Variants in MCTP2 observed in about 807,000 individuals in gnomAD.
The protein encoded by MCTP2 is multiple C2 and transmembrane domain-containing protein 2.
A neutral mutation model predicts 111.6 loss-of-function variants in MCTP2; 132 were observed. That is an observed-to-expected ratio of 1.18 (90% CI 1.03 to 1.37). The LOEUF is 1.37. Ranked by LOEUF, MCTP2 falls within the 40% of genes most tolerant of loss-of-function variation. The pLI is 0.00. For missense variants in MCTP2, 1,183 were observed against 1,067.9 expected, an observed-to-expected ratio of 1.11 and a Z score of -1.50; for synonymous variants, 395 against 387.7, an observed-to-expected ratio of 1.02 and a Z score of -0.22.
intron 1 of MCTP2, among the ~76,000 whole-genome samples, chr15:94,251,936 G>A (rs772136123): frequency 5.3e-5 from 8 of 152,108 alleles, no homozygotes; most frequent in Non-Finnish European, 8.8e-5. Context: ...TGTCCTCAAG[G>A]TTCATCCACG....
chr15:94,354,528 C>G (rs921323674), intron 8 of MCTP2, among the ~76,000 whole-genome samples: 11 of 152,166 alleles, frequency 7.2e-5, no homozygotes, highest in Non-Finnish European at 1.6e-4. Flanking sequence ...CTTGCTTCCC[C>G]TTCACCTTCC....
At chr15:94,275,901 G>GT (rs999893759) in intron 1 of MCTP2, among the ~76,000 whole-genome samples, 22 of 146,496 alleles carry the variant, frequency 1.5e-4, no homozygotes, top group Non-Finnish European at 2.4e-4. Flanking sequence ...AGGCTGGAGT[G>GT]TAGTGGCGCG....
intron 20 of MCTP2, among the ~76,000 whole-genome samples, chr15:94,464,305 ATC>A (rs941543016): frequency 2.8e-4 from 24 of 84,722 alleles, no homozygotes; most frequent in African/African-American, 4.2e-4. Flanking sequence ...ATTATTTCTC[ATC>A]TCTGTTTCTG....
chr15:94,417,679 T>C (rs953542259), intron 17 of MCTP2, among the ~76,000 whole-genome samples: 2 of 152,156 alleles, frequency 1.3e-5, no homozygotes, highest in African/African-American at 4.8e-5. Context: ...GGCATCGTTC[T>C]TGTTTTTAGT....
chr15:94,311,059 C>G (rs1223139350), intron 2 of MCTP2, among the ~76,000 whole-genome samples: 2 of 141,742 alleles, frequency 1.4e-5, no homozygotes, highest in Non-Finnish European at 3.0e-5. Context: ...GAGTCTCACT[C>G]TGTTGCCCAG....
chr15:94,454,260 G>A (rs2084656411), intron 19 of MCTP2, among the ~76,000 whole-genome samples: 1 of 152,116 alleles, frequency 6.6e-6, no homozygotes, highest in Non-Finnish European at 1.5e-5. Context: ...TTTTGATGGA[G>A]CAAATATTAC....
At chr15:94,234,569 C>T (rs1018427924) in intron 1 of MCTP2, among the ~76,000 whole-genome samples, 1 of 152,060 alleles carries the variant, frequency 6.6e-6, no homozygotes, top group African/African-American at 2.4e-5. Flanking sequence ...GCAAAGGACT[C>T]ATGCTCCACT....
chr15:94,472,207 G>A (rs1006615416), intron 21 of MCTP2, among the ~76,000 whole-genome samples: 1 of 152,146 alleles, frequency 6.6e-6, no homozygotes, highest in Non-Finnish European at 1.5e-5. Flanking sequence ...GTGAAACCCT[G>A]TTTCTACCAA....
At chr15:94,432,657 C>T (rs2083259355) in intron 17 of MCTP2, among the ~76,000 whole-genome samples, 4 of 152,148 alleles carry the variant, frequency 2.6e-5, no homozygotes, top group Admixed American at 2.6e-4. Context: ...CTTTCATGGA[C>T]AGTGTGTAAG....
chr15:94,356,403 G>A (rs1596460869), intron 9 of MCTP2, 102 bp downstream of exon 9: 3 of 1,095,672 alleles, frequency 2.7e-6, no homozygotes, highest in Non-Finnish European at 3.7e-6. Context: ...AGTAATTTAT[G>A]TTCAGCCCGC....
At chr15:94,349,693 G>A (rs1428873607) in intron 8 of MCTP2, among the ~76,000 whole-genome samples, 7 of 151,902 alleles carry the variant, frequency 4.6e-5, no homozygotes, top group South Asian at 4.2e-4. Flanking sequence ...GGTGGCATGC[G>A]CCTGTAGTCC....
intron 1 of MCTP2, among the ~76,000 whole-genome samples, chr15:94,257,286 G>A (rs1426085127): frequency 1.3e-5 from 2 of 152,068 alleles, no homozygotes; most frequent in Non-Finnish European, 2.9e-5. Flanking sequence ...GGGAACACTA[G>A]CTTCCCAAAG....
chr15:94,369,083 G>A (rs1319106260), intron 11 of MCTP2, among the ~76,000 whole-genome samples: 1 of 152,126 alleles, frequency 6.6e-6, no homozygotes, highest in Non-Finnish European at 1.5e-5. Context: ...AATTGTAAAA[G>A]CATTTCATTT....
intron 17 of MCTP2, among the ~76,000 whole-genome samples, chr15:94,412,958 AT>A (rs1174594033): frequency 6.6e-6 from 1 of 152,204 alleles, no homozygotes; most frequent in Non-Finnish European, 1.5e-5. Flanking sequence ...CTTTCGGCAA[AT>A]TTGATTTTGC....
chr15:94,358,539 T>C lies in MCTP2; in HGVS notation c.1228T>C (p.Ser410Pro). Residue 410 changes from serine (S) to proline (P), a missense_variant, in exon 10 of 23, where the codon TCT (serine) becomes CCT (proline). Physicochemically the swap from Ser to Pro is moderately conservative, Grantham distance 74 (BLOSUM62 -1). Transcript: ENST00000357742. ...GGAACAGTTTGACTTTCACTACTTC[T>C]CTGACAGGATGGGCATTTTGGACAT... ...WQEQFDFHYFSDRMGILDIEV... is the reference protein window; with the variant it reads ...WQEQFDFHYFPDRMGILDIEV... 3.1e-6 allele frequency: 5 copies of C among 1,613,876 alleles called. No homozygotes were observed. Among genetic ancestry groups the C allele is most frequent in the Non-Finnish European group, 3.4e-6 (4 of 1,179,812 alleles).
At chr15:94,311,219 G>T (rs2076122224) in intron 2 of MCTP2, among the ~76,000 whole-genome samples, 1 of 151,560 alleles carries the variant, frequency 6.6e-6, no homozygotes, top group South Asian at 2.1e-4. Flanking sequence ...GAGATGGGGG[G>T]GTTTGCCATG....
intron 12 of MCTP2, among the ~76,000 whole-genome samples, chr15:94,375,013 T>C (rs2079686359): frequency 6.6e-6 from 1 of 152,172 alleles, no homozygotes; most frequent in African/African-American, 2.4e-5. Flanking sequence ...GGATTATTTA[T>C]AAAACAAGAG....
intron 1 of MCTP2, among the ~76,000 whole-genome samples, chr15:94,243,829 GTA>G (rs1383355424): frequency 6.9e-6 from 1 of 145,900 alleles, no homozygotes; most frequent in South Asian, 2.2e-4. Context: ...ATACACATAT[GTA>G]TATATTTATG....
chr15:94,360,951 C>T (rs914180774), intron 10 of MCTP2, among the ~76,000 whole-genome samples: 3 of 151,390 alleles, frequency 2.0e-5, no homozygotes, highest in Non-Finnish European at 2.9e-5. Flanking sequence ...TACCCTGCCT[C>T]GAGCTTGCAG....
Sources: allele counts gnomAD v4.1 joint callset (sites outside exome capture counted in the v4.1 genomes callset), GRCh38; gene constraint gnomAD v4.1.1; transcripts MANE v1.5; gene names NCBI Gene and HGNC (gene_info 2026-07-23, HGNC 2026-07-21).